TRIM36: variants seen among roughly 807,000 people sequenced by gnomAD.
The protein encoded by TRIM36 is tripartite motif containing 36.
TRIM36 carries 42 observed loss-of-function variants against 72.4 expected under a neutral mutation model. That is an observed-to-expected ratio of 0.58 (90% CI 0.45 to 0.75). The LOEUF (loss-of-function observed/expected upper bound fraction) is 0.75. Ranked by LOEUF, TRIM36 falls within the 30% of genes least tolerant of loss-of-function variation. The pLI is 0.00. For synonymous variants in TRIM36, 315 were observed against 282.8 expected (o/e 1.11, Z -1.14); for missense variants, 913 against 857.1 (o/e 1.07, Z -0.81).
intron 7 of TRIM36, among the ~76,000 whole-genome samples, chr5:115,135,584 C>T (rs1338837884): frequency 6.6e-6 from 1 of 152,062 alleles, no homozygotes; most frequent in African/African-American, 2.4e-5. Flanking sequence ...TGGTTCCTTG[C>T]TATACAGTGG....
intron 1 of TRIM36, among the ~76,000 whole-genome samples, chr5:115,165,958 C>T (rs1384426195): frequency 6.6e-6 from 1 of 152,146 alleles, no homozygotes; most frequent in African/African-American, 2.4e-5. Flanking sequence ...TGCTGACACA[C>T]CAGCCCCCTG....
chr5:115,137,516 G>T lies in TRIM36; in HGVS notation c.932C>A (p.Ser311Tyr), dbSNP rs367552206. ...RKSSVLKAID[S>Y]SKKLRLDKFQ... ...TTTGTCTAATCTTAGTTTCTTAGAG[G>T]AGTCAATTGCTTTCAAAACAGATGA... Residue 311 changes from serine to tyrosine, a missense_variant, in exon 6 of 10, where the codon TCC becomes TAC. Transcript: ENST00000513154. 6.2e-7 allele frequency: 1 copy of T among 1,613,906 alleles called. No homozygotes were observed. The highest frequency in any genetic ancestry group is 1.3e-5 in the African/African-American group (1 of 74,890).
intron 1 of TRIM36, among the ~76,000 whole-genome samples, chr5:115,174,923 A>C (rs906258119): frequency 6.6e-6 from 1 of 152,180 alleles, no homozygotes; most frequent in Admixed American, 6.5e-5. Context: ...TGAGTGTATT[A>C]GCTGCATAAC....
intron 1 of TRIM36, among the ~76,000 whole-genome samples, chr5:115,178,569 T>C (rs1170281927): frequency 6.6e-6 from 1 of 151,930 alleles, no homozygotes; most frequent in Admixed American, 6.6e-5. Context: ...GCCCGAAGGG[T>C]GGTCAAGGGG....
chr5:115,134,675 G>C (rs1752873182), intron 7 of TRIM36, among the ~76,000 whole-genome samples: 1 of 151,936 alleles, frequency 6.6e-6, no homozygotes, highest in Non-Finnish European at 1.5e-5. Flanking sequence ...CAAGTAGCTG[G>C]GATTACAGGT....
intron 1 of TRIM36, among the ~76,000 whole-genome samples, chr5:115,165,266 C>T (rs1754698385): frequency 6.6e-6 from 1 of 152,192 alleles, no homozygotes; most frequent in African/African-American, 2.4e-5. Context: ...AGGGAGTGCC[C>T]CAGTGGGGAC....
At chr5:115,146,115 G>A (rs1026306866) in intron 3 of TRIM36, among the ~76,000 whole-genome samples, 2 of 152,114 alleles carry the variant, frequency 1.3e-5, no homozygotes, top group Admixed American at 6.5e-5. Context: ...ATGGTCTTGA[G>A]CATTTAAAAT....
At chr5:115,144,805 A>G (rs1753489234) in intron 3 of TRIM36, 61 bp from the exon 4 acceptor site, 2 of 1,511,850 alleles carry the variant, frequency 1.3e-6, no homozygotes, top group East Asian at 2.4e-5. Flanking sequence ...CTAACAAATT[A>G]CCAAAATACA....
At position 115,141,887 on chromosome 5, in the gene TRIM36, T is replaced by A. The variant is rs76447999; in HGVS notation, c.736-513A>T. On this transcript the variant is annotated intron_variant, in intron 4 of 9. Transcript: ENST00000513154. The stretch of plus-strand genomic sequence containing the variant: ...TAATTACACAATAATGAAAATATAG[T>A]TTTATAAAAATAGGCAATTTCCAGA... Among the ~76,000 whole-genome samples, 48 of 152,202 alleles carry A rather than the reference T, an allele frequency of 3.2e-4. No individual in the cohort carries two copies. The East Asian group carries it at 9.3e-3, about 29-fold the overall frequency.
intron 3 of TRIM36, 74 bp downstream of exon 3, chr5:115,146,995 G>T: frequency 7.7e-7 from 1 of 1,296,608 alleles, no homozygotes; most frequent in Non-Finnish European, 1.0e-6. Flanking sequence ...AATTTATTTC[G>T]TAACATTAAG....
rs1371887015 is a variant in TRIM36, at chr5:115,137,035, G to A, written c.1175C>T (p.Thr392Ile). 6.2e-7 allele frequency: 1 copy of A among 1,605,902 alleles called. No homozygotes were observed. Among genetic ancestry groups the A allele is most frequent in the East Asian group, 2.2e-5 (1 of 44,708 alleles). ...AAAGGATAATTCTCCAAGAAGTTCT[G>A]TTTGTTTAGAGGTATTAACAACATA... Reference protein sequence around the residue: ...EDYVVNTSKQTELLGELSFFS... With the variant: ...EDYVVNTSKQIELLGELSFFS... Residue 392 changes from threonine (T) to isoleucine (I), a missense_variant, in exon 7 of 10, where the codon ACA (threonine) becomes ATA (isoleucine). Coordinates refer to ENST00000513154, the MANE Select transcript of TRIM36 (RefSeq NM_001300759.2).
At position 115,141,284 on chromosome 5, in the gene TRIM36, T is replaced by C. The variant is rs1753262703; in HGVS notation, c.826A>G (p.Thr276Ala). 9 of 1,594,728 alleles carry C rather than the reference T, an allele frequency of 5.6e-6. No individual in the cohort carries two copies. The highest frequency in any genetic ancestry group is 7.7e-6 in the Non-Finnish European group (9 of 1,172,556). ...ISELNLLMKETECNGERAKEE... is the reference protein window; with the variant it reads ...ISELNLLMKEAECNGERAKEE... The stretch of plus-strand genomic sequence containing the variant: ...CAAGCTAGTTTATCACTTACCTCTG[T>C]TTCTTTCATTAACAAGTTTAGTTCA... Residue 276 changes from threonine (T) to alanine (A), a missense_variant, in exon 5 of 10, where the codon ACA becomes GCA. By Grantham distance (58) the Thr-to-Ala change is moderately conservative. Transcript: ENST00000513154.
chr5:115,146,921 T>G, intron 3 of TRIM36, 148 bp downstream of exon 3: 1 of 815,146 alleles, frequency 1.2e-6, no homozygotes, highest in South Asian at 1.9e-5. Context: ...TCCAGCCAAC[T>G]AGGCCTTAAG....
In TRIM36 at chr5:115,147,314, G is replaced by A; in HGVS notation, c.343C>T (p.Arg115Ter). The A allele has an allele frequency of 1.9e-6, 3 of 1,614,090 alleles. No individual in the cohort carries two copies. Among genetic ancestry groups the A allele is most frequent in the Non-Finnish European group, 1.7e-6 (2 of 1,180,018 alleles). ...GCEHDVDLGE[R>*]GINGLFRNFT... ...TTTCGAAACAGACCATTGATTCCTC[G>A]TTCTCCAAGATCCACATCATGCTCA... is the stretch of plus-strand genomic sequence containing the variant. The change falls in exon 3 of 10, where the codon CGA (arginine) becomes TGA (stop). Residue 115 changes from arginine (R) to a stop codon, truncating the protein, a stop_gained. Transcript: ENST00000513154. LOFTEE classifies it high-confidence loss of function.
intron 1 of TRIM36, among the ~76,000 whole-genome samples, chr5:115,166,872 G>A (rs1026915747): frequency 1.3e-5 from 2 of 152,014 alleles, no homozygotes; most frequent in African/African-American, 4.8e-5. Context: ...ACCTGTTCCA[G>A]CCACAGCAAG....
chr5:115,165,148 T>C (rs1466878974), intron 1 of TRIM36, among the ~76,000 whole-genome samples: 2 of 152,220 alleles, frequency 1.3e-5, no homozygotes, highest in Non-Finnish European at 2.9e-5. Flanking sequence ...CCTGCTTTCA[T>C]GGCTGGCATT....
intron 2 of TRIM36, among the ~76,000 whole-genome samples, chr5:115,150,591 GCTAGCA>G (rs1753836342): frequency 6.6e-6 from 1 of 152,232 alleles, no homozygotes; most frequent in South Asian, 2.1e-4. Context: ...GCATGTGGAT[GCTAGCA>G]CTGTGAAATT....
At chr5:115,179,923 T>C in intron 1 of TRIM36, 1 of 1,517,042 alleles carries the variant, frequency 6.6e-7, no homozygotes, top group Non-Finnish European at 8.9e-7. Flanking sequence ...GCGGGCCAGG[T>C]AGTGCCGGAG....
At chr5:115,128,596 C>CA (rs1752482316) in intron 9 of TRIM36, among the ~76,000 whole-genome samples, 1 of 142,136 alleles carries the variant, frequency 7.0e-6, no homozygotes. Context: ...ACTAAAAATA[C>CA]AAAAAATTAG....
Sources: allele counts gnomAD v4.1 joint callset (sites outside exome capture counted in the v4.1 genomes callset), GRCh38; gene constraint gnomAD v4.1.1; transcripts MANE v1.5; gene names NCBI Gene and HGNC (gene_info 2026-07-23, HGNC 2026-07-21).